Variants in FBXO42 observed in about 807,000 individuals in gnomAD.
The protein encoded by FBXO42 is F-box only protein 42.
Under a neutral mutation model 71.7 loss-of-function variants are expected in FBXO42, and 12 were observed. That is an observed-to-expected ratio of 0.17 (90% CI 0.11 to 0.27). The LOEUF (loss-of-function observed/expected upper bound fraction) is 0.27. Ranked by LOEUF, FBXO42 falls within the 10% of genes least tolerant of loss-of-function variation. The probability of loss-of-function intolerance (pLI) is 1.00; values close to 1 mark genes in which losing one functional copy is unlikely to be tolerated. For missense variants in FBXO42, 707 were observed against 911.9 expected, an observed-to-expected ratio of 0.78 and a Z score of 2.89; for synonymous variants, 325 against 327.5, an observed-to-expected ratio of 0.99 and a Z score of 0.08.
intron 1 of FBXO42, among the ~76,000 whole-genome samples, chr1:16,337,945 G>A (rs1163811287): frequency 3.1e-5 from 4 of 128,756 alleles, no homozygotes; most frequent in African/African-American, 8.7e-5. Context: ...AGTGGCTCAC[G>A]CCTACACTTT....
intron 3 of FBXO42, among the ~76,000 whole-genome samples, chr1:16,300,100 C>T (rs1215610454): frequency 6.6e-6 from 1 of 152,172 alleles, no homozygotes; most frequent in Non-Finnish European, 1.5e-5. Flanking sequence ...GAGCAACTCC[C>T]AGTGCTCCAG....
intron 3 of FBXO42, among the ~76,000 whole-genome samples, chr1:16,296,163 T>A (rs1307682715): frequency 1.3e-5 from 2 of 152,206 alleles, no homozygotes; most frequent in African/African-American, 4.8e-5. Flanking sequence ...GACGATCACA[T>A]TCCTTACAGT....
chr1:16,294,750 T>C, intron 4 of FBXO42, 33 bp downstream of exon 4: 2 of 1,608,354 alleles, frequency 1.2e-6, no homozygotes, highest in Non-Finnish European at 1.7e-6. Context: ...AGTCACCTGG[T>C]AAGGAGGCAA....
chr1:16,294,117 G>T (rs1388781464), intron 4 of FBXO42: 1 of 152,306 alleles, frequency 6.6e-6, no homozygotes. Context: ...TTTATACTCA[G>T]TGGACACTAT....
At chr1:16,266,120 A>G (rs572696769) in intron 4 of FBXO42, among the ~76,000 whole-genome samples, 1 of 152,218 alleles carries the variant, frequency 6.6e-6, no homozygotes, top group African/African-American at 2.4e-5. Context: ...TGAAAGAAAA[A>G]GTCAGAACCC....
chr1:16,270,216 C>T (rs969224666), intron 4 of FBXO42, among the ~76,000 whole-genome samples: 8 of 152,076 alleles, frequency 5.3e-5, no homozygotes, highest in African/African-American at 1.7e-4. Flanking sequence ...AATCCAGGAA[C>T]GAATTAATCC....
intron 1 of FBXO42, among the ~76,000 whole-genome samples, chr1:16,338,408 G>T (rs1403566464): frequency 6.7e-6 from 1 of 149,552 alleles, no homozygotes; most frequent in Non-Finnish European, 1.5e-5. Context: ...TCTTGTCTTG[G>T]ATACAGACTT....
chr1:16,302,735 C>T (rs1043007040), intron 3 of FBXO42, among the ~76,000 whole-genome samples: 2 of 152,340 alleles, frequency 1.3e-5, no homozygotes, highest in East Asian at 3.9e-4. Flanking sequence ...GTTTCAAACT[C>T]CTGACCTCAA....
At chr1:16,273,141 C>T (rs1200545463) in intron 4 of FBXO42, among the ~76,000 whole-genome samples, 1 of 152,046 alleles carries the variant, frequency 6.6e-6, no homozygotes, top group African/African-American at 2.4e-5. Flanking sequence ...TAGGTATTAC[C>T]ATCTCTACCC....
rs572191716 is a variant in FBXO42, at chr1:16,252,427, C to T, written c.922-23G>A. 1.8e-5 allele frequency: 28 copies of T among 1,585,770 alleles called. No homozygotes were observed. The South Asian group carries it at 2.5e-4, about 14-fold the overall frequency. On this transcript the variant is annotated intron_variant, in intron 8 of 9. Transcript: ENST00000375592. The surrounding 1 kb of genome is among the most constrained non-coding windows in gnomAD (Gnocchi z 4.4). The stretch of plus-strand genomic sequence containing the variant: ...TAGCTGTAAGAGAAAAAACCAATAA[C>T]AAGACTCAGGTGTGATATGCGTTCC...
At position 16,346,644 on chromosome 1, in the gene FBXO42, C is replaced by A. The variant is rs566629311; in HGVS notation, c.-18+5611G>T. Among the ~76,000 whole-genome samples, 146 of 146,534 alleles carry A rather than the reference C, an allele frequency of 1.0e-3. 1 individual carries two copies. The highest frequency in any genetic ancestry group is 3.7e-3 in the African/African-American group (144 of 39,412). On this transcript the variant is annotated intron_variant, in intron 1 of 9. Coordinates refer to ENST00000375592, the MANE Select transcript of FBXO42 (RefSeq NM_018994.3). ...CAGAGCTTGCAGTGAGCCGAGATTG[C>A]GCCACTGCACTCCAGCCTGGGCGAC...
intron 4 of FBXO42, among the ~76,000 whole-genome samples, chr1:16,282,912 C>T (rs1339796465): frequency 1.3e-5 from 2 of 151,056 alleles, no homozygotes; most frequent in East Asian, 3.9e-4. Context: ...ACCCAGGAGG[C>T]AGAGGATGCA....
chr1:16,262,056 T>G (rs1370134649), intron 4 of FBXO42, among the ~76,000 whole-genome samples: 3 of 152,210 alleles, frequency 2.0e-5, no homozygotes, highest in Non-Finnish European at 4.4e-5. Flanking sequence ...CATATAATAT[T>G]TGGCATATTT....
At chr1:16,256,532 A>G (rs2081647060) in intron 5 of FBXO42, 74 bp downstream of exon 5, 1 of 1,491,418 alleles carries the variant, frequency 6.7e-7, no homozygotes, top group Non-Finnish European at 9.2e-7. Flanking sequence ...GGGACTCTTG[A>G]CACAAAAAAA....
chr1:16,261,855 C>T (rs932019352), intron 4 of FBXO42, among the ~76,000 whole-genome samples: 3 of 151,994 alleles, frequency 2.0e-5, no homozygotes, highest in African/African-American at 7.3e-5. Flanking sequence ...AGGCACCCCC[C>T]GCCATGCTCA....
intron 4 of FBXO42, among the ~76,000 whole-genome samples, chr1:16,258,250 G>A (rs569622390): frequency 6.6e-6 from 1 of 152,224 alleles, no homozygotes; most frequent in Admixed American, 6.5e-5. Flanking sequence ...TGTCTTTCTT[G>A]TGATCTCACT....
At chr1:16,314,481 T>C (rs946781813) in intron 2 of FBXO42, among the ~76,000 whole-genome samples, 1 of 152,224 alleles carries the variant, frequency 6.6e-6, no homozygotes, top group Non-Finnish European at 1.5e-5. Flanking sequence ...AGTTCTGTCA[T>C]CTATAAAATG....
intron 1 of FBXO42, among the ~76,000 whole-genome samples, chr1:16,331,621 G>T (rs1032659599): frequency 6.6e-6 from 1 of 150,494 alleles, no homozygotes; most frequent in African/African-American, 2.5e-5. Flanking sequence ...CCAGCCTGGT[G>T]GTGGGCACCT....
At chr1:16,329,542 C>T (rs1174530743) in intron 1 of FBXO42, among the ~76,000 whole-genome samples, 1 of 151,726 alleles carries the variant, frequency 6.6e-6, no homozygotes, top group Non-Finnish European at 1.5e-5. Context: ...CAAGATCGCA[C>T]CACTGCACTC....
Sources: allele counts gnomAD v4.1 joint callset (sites outside exome capture counted in the v4.1 genomes callset), GRCh38; gene constraint gnomAD v4.1.1; non-coding constraint Gnocchi (gnomAD v3.1); transcripts MANE v1.5; gene names NCBI Gene and HGNC (gene_info 2026-07-23, HGNC 2026-07-21).